DDX23: variants seen among roughly 807,000 people sequenced by gnomAD.
DDX23 encodes DEAD-box helicase 23, also known as probable ATP-dependent RNA helicase DDX23.
DDX23 carries 33 observed loss-of-function variants against 102.7 expected under a neutral mutation model. That is an observed-to-expected ratio of 0.32 (90% CI 0.24 to 0.43). The LOEUF is 0.43. DDX23 is among the 20% of genes least tolerant of loss of function. The pLI, the probability that DDX23 is intolerant of heterozygous loss-of-function variation, is 1.00. For missense variants in DDX23, 549 were observed against 1,086.6 expected (o/e 0.51, Z 6.96); for synonymous variants, 352 against 376.0 (o/e 0.94, Z 0.74).
intron 3 of DDX23, 63 bp from the exon 4 acceptor site, chr12:48,840,169 T>G (rs775161915): frequency 2.4e-5 from 32 of 1,318,746 alleles, no homozygotes; most frequent in Non-Finnish European, 3.4e-5. Context: ...AGGTTCAAGT[T>G]GAGCCCCGAA....
In DDX23 at chr12:48,836,685, G is replaced by A. The variant is rs1938471158; in HGVS notation, c.1120C>T (p.Arg374Cys). 2 of 1,614,158 alleles carry A rather than the reference G, an allele frequency of 1.2e-6. No individual in the cohort carries two copies. Among genetic ancestry groups the A allele is most frequent in the Non-Finnish European group, 1.7e-6 (2 of 1,180,034 alleles). Residue 374 changes from arginine to cysteine, a missense_variant, in exon 10 of 17, where the codon CGT (arginine) becomes TGT (cysteine). By Grantham distance (180) the Arg-to-Cys change is radical. Transcript: ENST00000308025. This position sits in a 1 kb window ranked among gnomAD's most constrained non-coding sequence, Gnocchi z 6.1. ...TTGGTGGTGATGCTGTAGTCCTCAC[G>A]GAAGATCCGCCAGTCCCTGTCCGTC... is the stretch of plus-strand genomic sequence containing the variant. The part of the protein sequence containing the change: ...EMTDRDWRIF[R>C]EDYSITTKGG...
intron 3 of DDX23, among the ~76,000 whole-genome samples, chr12:48,842,032 C>A (rs1055673419): frequency 5.3e-5 from 8 of 151,378 alleles, no homozygotes; most frequent in African/African-American, 1.9e-4. Flanking sequence ...TGCCTGACAA[C>A]CGCCCCGTCT....
intron 15 of DDX23, among the ~76,000 whole-genome samples, chr12:48,831,566 G>A (rs547150115): frequency 6.6e-6 from 1 of 152,160 alleles, no homozygotes; most frequent in South Asian, 2.1e-4. Flanking sequence ...CTGGGAGAGC[G>A]GTGGAGCCAG....
intron 3 of DDX23, among the ~76,000 whole-genome samples, chr12:48,841,110 G>GT (rs1938543898): frequency 6.6e-6 from 1 of 152,072 alleles, no homozygotes; most frequent in African/African-American, 2.4e-5. Context: ...TACAGGCCAG[G>GT]CACAATGGCT....
rs1356195538 is a variant in DDX23, at chr12:48,836,137, G to A, written c.1366C>T (p.Leu456Phe). The A allele has an allele frequency of 1.2e-6, 2 of 1,612,982 alleles. No homozygotes were observed. Among genetic ancestry groups the A allele is most frequent in the Non-Finnish European group, 1.7e-6 (2 of 1,180,040 alleles). Residue 456 changes from leucine to phenylalanine, a missense_variant, in exon 11 of 17, where the codon CTT (leucine) becomes TTT (phenylalanine). Transcript: ENST00000308025. The surrounding 1 kb of genome is among the most constrained non-coding windows in gnomAD (Gnocchi z 6.1). ...TGACCTCACCTGTCAATTTTGGGAA[G>A]TGTGGTGATCCAGACCAGCAGAGGG... ...LIPLLVWITTLPKIDRIEESD... is the reference protein window; with the variant it reads ...LIPLLVWITTFPKIDRIEESD...
chr12:48,842,470 G>A (rs1427498639), intron 3 of DDX23, among the ~76,000 whole-genome samples: 74 of 131,342 alleles, frequency 5.6e-4, no homozygotes, highest in African/African-American at 1.8e-3. Context: ...CCCCCCGCCC[G>A]GCCAGCCACC....
intron 1 of DDX23, among the ~76,000 whole-genome samples, chr12:48,851,221 T>C (rs892291256): frequency 6.6e-6 from 1 of 152,188 alleles, no homozygotes; most frequent in Admixed American, 6.6e-5. Context: ...CATGTAATCC[T>C]AACACTTTAA....
At chr12:48,834,120 T>C (rs371173199) in intron 12 of DDX23, among the ~76,000 whole-genome samples, 200 bp downstream of exon 12, 1 of 152,222 alleles carries the variant, frequency 6.6e-6, no homozygotes, top group Non-Finnish European at 1.5e-5. Flanking sequence ...TCATACATTA[T>C]TGTGAGAATT....
intron 3 of DDX23, among the ~76,000 whole-genome samples, chr12:48,843,689 C>G (rs1195799138): frequency 1.3e-5 from 2 of 151,700 alleles, no homozygotes; most frequent in African/African-American, 4.8e-5. Context: ...GCTGGGACTA[C>G]AGGCACCCGC....
Position 48,832,933 on chromosome 12 carries a change from A to G in DDX23, c.1803+344T>C. On this transcript the variant is annotated intron_variant, in intron 13 of 16. Transcript: ENST00000308025. This position sits in a 1 kb window ranked among gnomAD's most constrained non-coding sequence, Gnocchi z 4.4. Reference sequence around the variant, plus strand: ...CTTCATTCTAGAAACATGTACTCTGAGCCCACCTAAGGCAAGAAAGGCCCA... The same window carrying G: ...CTTCATTCTAGAAACATGTACTCTGGGCCCACCTAAGGCAAGAAAGGCCCA... 2.2e-6 allele frequency: 1 copy of G among 447,458 alleles called. No homozygotes were observed. The highest frequency in any genetic ancestry group is 4.0e-6 in the Non-Finnish European group (1 of 247,334). The allele number at this position is 447,458 out of a possible 1,614,324, so 27.7% of individuals were successfully genotyped here.
intron 3 of DDX23, 44 bp from the exon 4 acceptor site, chr12:48,840,150 G>A: frequency 6.7e-7 from 1 of 1,483,676 alleles, no homozygotes; most frequent in Non-Finnish European, 9.4e-7. Context: ...TTACTTCAGT[G>A]CCTGGATGAG....
chr12:48,834,956 G>A (rs1169878328), intron 11 of DDX23, among the ~76,000 whole-genome samples: 1 of 151,074 alleles, frequency 6.6e-6, no homozygotes, highest in African/African-American at 2.4e-5. Context: ...ATAAAAATAA[G>A]TCCAGAGGCC....
Position 48,843,946 on chromosome 12 carries a change from C to T in DDX23, c.314G>A (p.Arg105Gln), listed in dbSNP as rs757573343. The T allele has an allele frequency of 1.9e-6, 3 of 1,614,020 alleles. No individual in the cohort carries two copies. The highest frequency in any genetic ancestry group is 2.2e-5 in the East Asian group (1 of 44,864). ...CTCTCATTCCTTCATGTACCTGGAT[C>T]GTTTACGGTCCTTGTCCCGTCTGTG... is the stretch of plus-strand genomic sequence containing the variant. ...DGHRRDKDRKRSSLSPGRGKD... is the reference protein window; with the variant it reads ...DGHRRDKDRKQSSLSPGRGKD... Residue 105 changes from arginine (R) to glutamine (Q), a missense_variant, in exon 3 of 17, where the codon CGA becomes CAA. Arg to Gln is a conservative substitution (Grantham distance 43). This residue lies in a region of DDX23 where 241 missense variants were observed against 267.0 expected (regional missense o/e 0.90). Transcript: ENST00000308025.
intron 2 of DDX23, among the ~76,000 whole-genome samples, chr12:48,845,216 G>A (rs1257266898): frequency 6.6e-6 from 1 of 151,050 alleles, no homozygotes. Context: ...CACTTGGGGA[G>A]GCTGAAGCAG....
chr12:48,832,014 G>T lies in DDX23; in HGVS notation c.2064+64C>A. 6.9e-7 allele frequency: 1 copy of T among 1,458,890 alleles called. No individual in the cohort carries two copies. The highest frequency in any genetic ancestry group is 9.6e-7 in the Non-Finnish European group (1 of 1,041,690). 90.4% of individuals were successfully genotyped at this position (1,458,890 alleles called of 1,614,324 possible). On this transcript the variant is annotated intron_variant, in intron 15 of 16. Coordinates refer to ENST00000308025, the MANE Select transcript of DDX23 (RefSeq NM_004818.3). The surrounding 1 kb of genome is among the most constrained non-coding windows in gnomAD (Gnocchi z 4.4). ...AGACTTGAAAGGAAGAGCCTAGGGG[G>T]CCCTGCTAGATTCAGAAAGCAGTGC...
At position 48,832,865 on chromosome 12, in the gene DDX23, T is replaced by C. The variant is rs1592199456; in HGVS notation, c.1804-292A>G. On this transcript the variant is annotated intron_variant, in intron 13 of 16. Coordinates refer to ENST00000308025, the MANE Select transcript of DDX23 (RefSeq NM_004818.3). The surrounding 1 kb of genome is among the most constrained non-coding windows in gnomAD (Gnocchi z 4.4). ...ATCGTTTTTCCAGGGCTAAGCTAAATGGCTCCACCCTTAGGACTGTCAGAG... is the reference window on the plus strand; with the variant it reads ...ATCGTTTTTCCAGGGCTAAGCTAAACGGCTCCACCCTTAGGACTGTCAGAG... The C allele has an allele frequency of 2.1e-6, 1 of 477,200 alleles. No homozygotes were observed. Among genetic ancestry groups the C allele is most frequent in the Non-Finnish European group, 3.8e-6 (1 of 266,376 alleles). The allele number at this position is 477,200 out of a possible 1,614,324, so 29.6% of individuals were successfully genotyped here.
intron 1 of DDX23, among the ~76,000 whole-genome samples, chr12:48,847,789 C>T (rs1050467845): frequency 2.0e-5 from 3 of 152,084 alleles, no homozygotes; most frequent in African/African-American, 7.2e-5. Context: ...GCACCCCAGT[C>T]TGGGTGACAG....
Position 48,836,042 on chromosome 12 carries a change from CAA to C in DDX23, c.1382+77_1382+78del. 2 of 1,514,984 alleles carry C rather than the reference CAA, an allele frequency of 1.3e-6. No homozygotes were observed. Among genetic ancestry groups the C allele is most frequent in the Non-Finnish European group, 1.8e-6 (2 of 1,103,048 alleles). The allele number at this position is 1,514,984 out of a possible 1,614,324, so 93.8% of individuals were successfully genotyped here. A position where few individuals can be genotyped will look rare whatever the true frequency, so the allele number is the denominator to read the frequency against. ...AAAGCTTCTGATTATAGACGTAAAA[CAA>C]AAATCAAACATTCATTTGCCACTTT... On this transcript the variant is annotated intron_variant, in intron 11 of 16. Coordinates refer to ENST00000308025, the MANE Select transcript of DDX23 (RefSeq NM_004818.3). The surrounding 1 kb of genome is among the most constrained non-coding windows in gnomAD (Gnocchi z 6.1).
chr12:48,836,357 A>G lies in DDX23; in HGVS notation c.1237-91T>C. ...AGTAGTAAGCACATCTGCTAGCACA[A>G]TGGAAGGATGCCAAGTACAGTTCAC... On this transcript the variant is annotated intron_variant, in intron 10 of 16. Transcript: ENST00000308025. This position sits in a 1 kb window ranked among gnomAD's most constrained non-coding sequence, Gnocchi z 6.1. 6.8e-7 allele frequency: 1 copy of G among 1,464,700 alleles called. No homozygotes were observed. Among genetic ancestry groups the G allele is most frequent in the Non-Finnish European group, 9.5e-7 (1 of 1,055,814 alleles). 90.7% of individuals were successfully genotyped at this position (1,464,700 alleles called of 1,614,324 possible).
Sources: gnomAD v4.1 joint callset for allele counts (sites outside exome capture counted in the v4.1 genomes callset) on GRCh38, gnomAD v4.1.1 for gene constraint, gnomAD v4.1.1 regional missense constraint, Gnocchi (gnomAD v3.1) non-coding constraint, MANE v1.5 for transcripts, NCBI Gene and HGNC (gene_info 2026-07-23, HGNC 2026-07-21) for gene names.